The following SLC75A1 variants were observed in gnomAD, a reference collection of about 807,000 sequenced individuals.
The protein encoded by SLC75A1 is solute carrier family 75 member 1, also known as major facilitator superfamily domain containing 10.
chr4:2,934,218 C>A, the SLC75A1 span: 1 of 401,808 alleles, frequency 2.5e-6, no homozygotes, highest in Non-Finnish European at 4.5e-6. Context: ...CCCACCCCAC[C>A]CCACGGCCGC....
the SLC75A1 span, chr4:2,933,554 G>A: frequency 6.2e-7 from 1 of 1,613,604 alleles, no homozygotes; most frequent in South Asian, 1.1e-5. Context: ...CAAGGGCACA[G>A]AGCCAGCCAT....
At chr4:2,930,610 A>ATAGTT in the SLC75A1 span, 1,306 of 587,978 alleles carry the variant, frequency 2.2e-3, 4 homozygotes, top group African/African-American at 0.022. Context: ...AACCTGGTGC[A>ATAGTT]TAGTTTAAAA....
At chr4:2,931,445 G>A in the SLC75A1 span, 52 of 1,564,280 alleles carry the variant, frequency 3.3e-5, no homozygotes, top group African/African-American at 2.0e-4. Flanking sequence ...GGAGGAAGGC[G>A]GGCACCAGCA....
chr4:2,930,735 G>C, the SLC75A1 span: 1 of 1,351,884 alleles, frequency 7.4e-7, no homozygotes, highest in Non-Finnish European at 1.0e-6. Context: ...CCCACCCACA[G>C]GGTCTCCCTG....
chr4:2,932,052 A>G, the SLC75A1 span: 44 of 1,611,014 alleles, frequency 2.7e-5, no homozygotes, highest in Admixed American at 5.2e-4. Flanking sequence ...TACTGTCTCC[A>G]GAGGGTGGGT....
chr4:2,933,824 G>T, the SLC75A1 span: 1 of 1,590,394 alleles, frequency 6.3e-7, no homozygotes, highest in Admixed American at 1.8e-5. Flanking sequence ...AGGAGGTCCA[G>T]CAGGAGGCCG....
the SLC75A1 span, chr4:2,933,541 C>G: frequency 6.2e-7 from 1 of 1,612,094 alleles, no homozygotes; most frequent in Non-Finnish European, 8.5e-7. Context: ...GTAGAGAGCC[C>G]GCCAAGGGCA....
the SLC75A1 span, chr4:2,934,821 A>T: frequency 2.0e-5 from 3 of 149,750 alleles, no homozygotes; most frequent in African/African-American, 4.9e-5. Flanking sequence ...GGAACAGGGC[A>T]CCAGGCACGC....
At chr4:2,932,282 G>A in the SLC75A1 span, 13 of 1,563,598 alleles carry the variant, frequency 8.3e-6, no homozygotes, top group African/African-American at 6.8e-5. Context: ...GGCACACAGG[G>A]GCACTTTACA....
At chr4:2,930,736 G>T in the SLC75A1 span, 2 of 1,353,154 alleles carry the variant, frequency 1.5e-6, no homozygotes, top group Non-Finnish European at 2.0e-6. Context: ...CCACCCACAG[G>T]GTCTCCCTGG....
At chr4:2,931,253 C>G in the SLC75A1 span, 2 of 1,562,880 alleles carry the variant, frequency 1.3e-6, no homozygotes, top group Non-Finnish European at 1.7e-6. Flanking sequence ...GGAGGACAGG[C>G]AGGGCACCAC....
chr4:2,933,711 T>TGGGGGGC, the SLC75A1 span: 7 of 1,597,530 alleles, frequency 4.4e-6, no homozygotes, highest in Non-Finnish European at 5.1e-6. Context: ...CTGATGGGCC[T>TGGGGGGC]GGGGGGCAGG....
the SLC75A1 span, chr4:2,932,790 C>T: frequency 8.3e-5 from 127 of 1,533,168 alleles, no homozygotes; most frequent in Admixed American, 1.2e-3. Context: ...GAGGCAGGGG[C>T]GGTCGCTTAA....
the SLC75A1 span, chr4:2,932,241 G>C: frequency 1.3e-6 from 2 of 1,547,270 alleles, no homozygotes; most frequent in East Asian, 2.4e-5. Flanking sequence ...AACACCAAGA[G>C]AGCGGCCCAG....
the SLC75A1 span, chr4:2,934,738 C>G: frequency 7.0e-6 from 1 of 142,468 alleles, no homozygotes; most frequent in Non-Finnish European, 1.5e-5. Flanking sequence ...CTACGCCCCC[C>G]ACCCCGGGCG....
the SLC75A1 span, chr4:2,930,761 G>A: frequency 2.3e-5 from 34 of 1,481,616 alleles, no homozygotes; most frequent in Non-Finnish European, 2.8e-5. Context: ...GCGGGGGGTG[G>A]GGGTCAGGCA....
the SLC75A1 span, chr4:2,931,419 C>T: frequency 2.1e-5 from 32 of 1,553,452 alleles, no homozygotes; most frequent in South Asian, 4.7e-5. Flanking sequence ...GGGCAGAGAA[C>T]GTCCCCAGCC....
At chr4:2,933,413 C>T in the SLC75A1 span, among the ~76,000 whole-genome samples, 3 of 152,188 alleles carry the variant, frequency 2.0e-5, no homozygotes, top group African/African-American at 7.2e-5. Flanking sequence ...AGGGATCATG[C>T]CCAGAAGCCA....
At chr4:2,933,561 C>T in the SLC75A1 span, 5 of 1,613,762 alleles carry the variant, frequency 3.1e-6, no homozygotes, top group South Asian at 4.4e-5. Context: ...ACAGAGCCAG[C>T]CATACCTCCG....
Sources: gnomAD v4.1 joint callset for allele counts (sites outside exome capture counted in the v4.1 genomes callset) on GRCh38, gnomAD v4.1.1 for gene constraint, MANE v1.5 for transcripts, NCBI Gene and HGNC (gene_info 2026-07-23, HGNC 2026-07-21) for gene names.